Variants in BTBD1 observed in about 807,000 individuals in gnomAD.
BTBD1 encodes the protein BTB/POZ domain-containing protein 1.
BTBD1 carries 34 observed loss-of-function variants against 48.0 expected under a neutral mutation model. The observed-to-expected ratio is 0.71, with a 90% CI of 0.54 to 0.94. BTBD1 has a LOEUF of 0.94. Ranked by LOEUF, BTBD1 falls within the 40% of genes least tolerant of loss-of-function variation. The pLI, the probability that BTBD1 is intolerant of heterozygous loss-of-function variation, is 0.00. For missense variants in BTBD1, 543 were observed against 625.6 expected, an observed-to-expected ratio of 0.87 and a Z score of 1.41; for synonymous variants, 261 against 242.1, an observed-to-expected ratio of 1.08 and a Z score of -0.72.
chr15:83,049,653 T>C (rs1184403639), intron 3 of BTBD1, among the ~76,000 whole-genome samples: 1 of 152,202 alleles, frequency 6.6e-6, no homozygotes, highest in Non-Finnish European at 1.5e-5. Flanking sequence ...GGTAAACTTG[T>C]GTCATCGGGG....
chr15:83,044,849 T>C (rs778249157), intron 3 of BTBD1: 6 of 821,004 alleles, frequency 7.3e-6, no homozygotes, highest in Non-Finnish European at 1.2e-5. Flanking sequence ...CTCCATAGTG[T>C]TTTTTTTCAT....
chr15:83,019,510 A>T (rs1448037253), intron 6 of BTBD1, among the ~76,000 whole-genome samples: 2 of 151,148 alleles, frequency 1.3e-5, no homozygotes, highest in Non-Finnish European at 2.9e-5. Flanking sequence ...TATTTTACTC[A>T]CAGTATTTAT....
At chr15:83,023,186 T>TA (rs1005098332) in intron 5 of BTBD1, among the ~76,000 whole-genome samples, 8 of 152,208 alleles carry the variant, frequency 5.3e-5, no homozygotes, top group South Asian at 2.1e-4. Context: ...GTAAAATGGT[T>TA]AAAAAAACTA....
At chr15:83,041,666 G>T in intron 4 of BTBD1, 62 bp downstream of exon 4, 1 of 1,513,132 alleles carries the variant, frequency 6.6e-7, no homozygotes, top group Non-Finnish European at 9.2e-7. Context: ...GAGCCACCAG[G>T]CCCAGCCCTG....
intron 1 of BTBD1, among the ~76,000 whole-genome samples, chr15:83,058,781 A>G (rs2033129959): frequency 6.6e-6 from 1 of 152,172 alleles, no homozygotes; most frequent in Non-Finnish European, 1.5e-5. Context: ...TTAGATTCAC[A>G]CTTAACAGGA....
intron 4 of BTBD1, among the ~76,000 whole-genome samples, chr15:83,035,899 A>AT (rs1416933566): frequency 2.0e-5 from 3 of 151,512 alleles, no homozygotes; most frequent in Admixed American, 6.6e-5. Context: ...AAGAAAAAAA[A>AT]ATATATATAG....
chr15:83,044,820 C>A, intron 3 of BTBD1: 1 of 1,122,540 alleles, frequency 8.9e-7, no homozygotes, highest in Non-Finnish European at 1.3e-6. Context: ...AATGATCAAG[C>A]TCAGTTCAAT....
At chr15:83,040,011 ACACACG>A (rs1335285570) in intron 4 of BTBD1, among the ~76,000 whole-genome samples, 3 of 150,220 alleles carry the variant, frequency 2.0e-5, no homozygotes, top group African/African-American at 7.5e-5. Flanking sequence ...ACACACACAC[ACACACG>A]GACACACACA....
chr15:83,030,374 A>G (rs1394440217), intron 4 of BTBD1, 46 bp from the exon 5 acceptor site: 3 of 1,507,462 alleles, frequency 2.0e-6, no homozygotes, highest in East Asian at 2.3e-5. Flanking sequence ...TTTGATTTCA[A>G]TTCCTAACTT....
intron 5 of BTBD1, among the ~76,000 whole-genome samples, chr15:83,027,023 T>C (rs1051536124): frequency 3.9e-5 from 6 of 152,096 alleles, no homozygotes; most frequent in African/African-American, 1.2e-4. Flanking sequence ...TACACACATA[T>C]ACACGCCTCG....
intron 3 of BTBD1, among the ~76,000 whole-genome samples, chr15:83,046,079 A>C (rs570631148): frequency 1.3e-5 from 2 of 152,212 alleles, no homozygotes; most frequent in East Asian, 3.9e-4. Context: ...CCTTTCTTTC[A>C]GCTCCCAGTC....
At chr15:83,044,514 A>G in intron 3 of BTBD1, 1 of 1,585,508 alleles carries the variant, frequency 6.3e-7, no homozygotes, top group Non-Finnish European at 8.7e-7. Flanking sequence ...TTGTGATGGC[A>G]AAAACCTCAC....
In BTBD1 at chr15:83,020,755, C is replaced by T. The variant is rs2032278556; in HGVS notation, c.1063G>A (p.Val355Ile). The change falls in exon 6 of 8, where the codon GTT becomes ATT. Residue 355 changes from valine to isoleucine, a missense_variant. Val to Ile is a conservative substitution (Grantham distance 29, BLOSUM62 3). Coordinates refer to ENST00000261721, the MANE Select transcript of BTBD1 (RefSeq NM_025238.4). ...CCAACTATAGAGATCCTTCTATTAA[C>T]TGTGAATCTGAGAGAAAGAAGCCAA... Reference protein sequence around the residue: ...SGTSDRIRFTVNRRISIVGFG... With the variant: ...SGTSDRIRFTINRRISIVGFG... 2 of 1,593,080 alleles carry T rather than the reference C, an allele frequency of 1.3e-6. No individual in the cohort carries two copies. Among genetic ancestry groups the T allele is most frequent in the Admixed American group, 1.7e-5 (1 of 59,564 alleles).
chr15:83,039,423 G>A (rs1189661201), intron 4 of BTBD1, among the ~76,000 whole-genome samples: 1 of 152,100 alleles, frequency 6.6e-6, no homozygotes, highest in Non-Finnish European at 1.5e-5. Context: ...CTGATGGTGG[G>A]AATGTAGATA....
At chr15:83,034,910 AT>A (rs1347240927) in intron 4 of BTBD1, among the ~76,000 whole-genome samples, 1 of 152,206 alleles carries the variant, frequency 6.6e-6, no homozygotes, top group Non-Finnish European at 1.5e-5. Context: ...ATAGTATTCA[AT>A]CTGTTGAACA....
chr15:83,042,885 G>A (rs2032796394), intron 3 of BTBD1, among the ~76,000 whole-genome samples: 1 of 152,174 alleles, frequency 6.6e-6, no homozygotes. Flanking sequence ...CATGCCAGTA[G>A]TCCCAGCAAT....
chr15:83,031,898 G>A (rs573015200), intron 4 of BTBD1, among the ~76,000 whole-genome samples: 8 of 152,106 alleles, frequency 5.3e-5, no homozygotes, highest in Non-Finnish European at 1.0e-4. Flanking sequence ...TGCAAGAATG[G>A]CCATAATTAA....
At chr15:83,044,340 T>G in intron 3 of BTBD1, 9 of 1,340,490 alleles carry the variant, frequency 6.7e-6, no homozygotes, top group Non-Finnish European at 9.4e-6. Context: ...GCAACCCTGC[T>G]CTGCATGCCC....
At chr15:83,032,275 C>T (rs1300774792) in intron 4 of BTBD1, among the ~76,000 whole-genome samples, 2 of 151,618 alleles carry the variant, frequency 1.3e-5, no homozygotes, top group Non-Finnish European at 2.9e-5. Context: ...GAGCCGAGAT[C>T]GCACTACTGC....
Sources: gnomAD v4.1 joint callset for allele counts (sites outside exome capture counted in the v4.1 genomes callset) on GRCh38, gnomAD v4.1.1 for gene constraint, MANE v1.5 for transcripts, NCBI Gene and HGNC (gene_info 2026-07-23, HGNC 2026-07-21) for gene names.